Variants in GALNTL6 observed in about 807,000 individuals in gnomAD.
GALNTL6 encodes the protein polypeptide N-acetylgalactosaminyltransferase-like 6.
In GALNTL6, 46 loss-of-function variants were observed where a neutral mutation model predicts 73.7. The observed-to-expected ratio is 0.62, with a 90% CI of 0.49 to 0.80. The LOEUF (loss-of-function observed/expected upper bound fraction) is 0.80. Ranked by LOEUF, GALNTL6 falls within the 30% of genes least tolerant of loss-of-function variation. The pLI, the probability that GALNTL6 is intolerant of heterozygous loss-of-function variation, is 0.00. For missense variants in GALNTL6, 604 were observed against 755.0 expected (o/e 0.80, Z 2.34); for synonymous variants, 259 against 263.7 (o/e 0.98, Z 0.17).
At chr4:172,940,234 T>A (rs2111344148) in intron 9 of GALNTL6, among the ~76,000 whole-genome samples, 1 of 149,920 alleles carries the variant, frequency 6.7e-6, no homozygotes, top group African/African-American at 2.5e-5. Flanking sequence ...ACCTAGAAGG[T>A]AAAGTTGGCC....
intron 8 of GALNTL6, among the ~76,000 whole-genome samples, chr4:172,900,245 G>T (rs1451235826): frequency 1.3e-5 from 2 of 152,148 alleles, no homozygotes; most frequent in African/African-American, 4.8e-5. Flanking sequence ...TATAGATGAA[G>T]AAACTGAGAT....
chr4:172,097,754 T>A lies in GALNTL6; in HGVS notation c.139-131902T>A, dbSNP rs183365976. On this transcript the variant is annotated intron_variant, in intron 2 of 12. Coordinates refer to ENST00000506823, the MANE Select transcript of GALNTL6 (RefSeq NM_001034845.3). ...AAAGAAAAGCAAATCCATATTTGAT[T>A]AAGCTACTGTTAACTTGGTTTGCTC... is the stretch of plus-strand genomic sequence containing the variant. Among the ~76,000 whole-genome samples the A allele has an allele frequency of 7.5e-4, 114 of 152,312 alleles. 1 individual carries two copies. The highest frequency in any genetic ancestry group is 2.5e-3 in the African/African-American group (102 of 41,580).
In GALNTL6 at chr4:173,041,459, T is replaced by C. The variant is rs966292210; in HGVS notation, c.*1359T>C. ...TGGGAAAAAAGAATCATGTTTATTA[T>C]ATATCTCTCAAGTTTTTTTGGTATA... On this transcript the variant is annotated 3_prime_UTR_variant, in exon 13 of 13. Transcript: ENST00000506823. 3 of 152,168 alleles carry C rather than the reference T, an allele frequency of 2.0e-5. No individual in the cohort carries two copies. Among genetic ancestry groups the C allele is most frequent in the African/African-American group, 4.8e-5 (2 of 41,444 alleles). The allele number at this position is 152,168 out of a possible 1,614,324, so 9.4% of individuals were successfully genotyped here. A position where few individuals can be genotyped will look rare whatever the true frequency, so the allele number is the denominator to read the frequency against.
intron 3 of GALNTL6, among the ~76,000 whole-genome samples, chr4:172,262,631 T>C (rs990143486): frequency 2.6e-5 from 4 of 151,586 alleles, no homozygotes; most frequent in African/African-American, 7.2e-5. Flanking sequence ...TCAGTGTTAG[T>C]ATTGAGATGT....
intron 5 of GALNTL6, among the ~76,000 whole-genome samples, chr4:172,536,079 C>T (rs187881598): frequency 4.5e-4 from 69 of 152,268 alleles, no homozygotes; most frequent in Non-Finnish European, 7.8e-4. Flanking sequence ...TCTCCCGCTT[C>T]GCTCTGCACT....
intron 3 of GALNTL6, among the ~76,000 whole-genome samples, chr4:172,303,020 A>C (rs1473785165): frequency 6.6e-6 from 1 of 151,826 alleles, no homozygotes; most frequent in African/African-American, 2.4e-5. Flanking sequence ...ATTTTTTTGA[A>C]ATGGAGTCTC....
At chr4:173,026,750 T>C (rs1356557946) in intron 12 of GALNTL6, among the ~76,000 whole-genome samples, 8 of 152,230 alleles carry the variant, frequency 5.3e-5, no homozygotes, top group Admixed American at 4.6e-4. Flanking sequence ...TTTTTCTATA[T>C]ATAAGTGCCT....
chr4:172,079,795 TAA>T (rs1731822324), intron 2 of GALNTL6, among the ~76,000 whole-genome samples: 1 of 152,102 alleles, frequency 6.6e-6, no homozygotes, highest in Admixed American at 6.5e-5. Context: ...ACTTTTAGTA[TAA>T]GAGATATTTA....
intron 5 of GALNTL6, among the ~76,000 whole-genome samples, chr4:172,764,409 T>C (rs1180333938): frequency 6.6e-6 from 1 of 152,160 alleles, no homozygotes; most frequent in East Asian, 1.9e-4. Context: ...ATTTTCATGC[T>C]AGAATCTATC....
chr4:172,592,464 G>A (rs1737674733), intron 5 of GALNTL6, among the ~76,000 whole-genome samples: 1 of 152,058 alleles, frequency 6.6e-6, no homozygotes, highest in Admixed American at 6.5e-5. Context: ...ATTTGGTGGG[G>A]ATAAACAGGC....
At chr4:172,424,994 A>C (rs1731178215) in intron 5 of GALNTL6, among the ~76,000 whole-genome samples, 1 of 152,092 alleles carries the variant, frequency 6.6e-6, no homozygotes, top group Admixed American at 6.6e-5. Context: ...AAAACTCCCA[A>C]CATTATTATG....
rs1040817761 is a variant in GALNTL6 at position 172,794,225 on chromosome 4, G to T, written c.554-15136G>T. ...TGCAAATACATTTTACACTCTTTTG[G>T]GAATTCCTTCTAAAATTTGGGGGAG... On this transcript the variant is annotated intron_variant, in intron 5 of 12. Transcript: ENST00000506823. 5.3e-5 allele frequency among the ~76,000 whole-genome samples: 8 copies of T among 152,174 alleles called. No homozygotes were observed. The East Asian group carries it at 5.8e-4, about 11-fold the overall frequency.
chr4:172,051,638 T>A (rs771221171), intron 2 of GALNTL6, among the ~76,000 whole-genome samples: 1 of 152,096 alleles, frequency 6.6e-6, no homozygotes, highest in Non-Finnish European at 1.5e-5. Context: ...ATTTTTCTTC[T>A]CTTCTGTTCA....
At chr4:172,682,401 A>G (rs888323380) in intron 5 of GALNTL6, among the ~76,000 whole-genome samples, 21 of 152,176 alleles carry the variant, frequency 1.4e-4, no homozygotes, top group Non-Finnish European at 2.8e-4. Context: ...GGATTTTAAT[A>G]TATATAACAT....
At chr4:172,298,866 A>G (rs1380272821) in intron 3 of GALNTL6, among the ~76,000 whole-genome samples, 1 of 152,140 alleles carries the variant, frequency 6.6e-6, no homozygotes, top group Non-Finnish European at 1.5e-5. Context: ...TGGTATCAGG[A>G]TGATGCTGGC....
At chr4:172,164,191 A>T (rs543519634) in intron 2 of GALNTL6, among the ~76,000 whole-genome samples, 96 of 152,142 alleles carry the variant, frequency 6.3e-4, no homozygotes, top group African/African-American at 2.2e-3. Flanking sequence ...ACTCGTGTTC[A>T]TTGCTTTTGA....
chr4:172,368,823 T>A (rs1742673177), intron 5 of GALNTL6, among the ~76,000 whole-genome samples: 1 of 152,178 alleles, frequency 6.6e-6, no homozygotes. Context: ...AAAGATGGTG[T>A]ATCCAGACTT....
chr4:172,859,869 C>T (rs1447069506), intron 7 of GALNTL6, among the ~76,000 whole-genome samples: 1 of 152,100 alleles, frequency 6.6e-6, no homozygotes, highest in South Asian at 2.1e-4. Flanking sequence ...GAATCTAATA[C>T]CTGATGATCT....
At chr4:171,865,908 T>C (rs1284997761) in intron 2 of GALNTL6, among the ~76,000 whole-genome samples, 1 of 152,212 alleles carries the variant, frequency 6.6e-6, no homozygotes, top group African/African-American at 2.4e-5. Flanking sequence ...GTCAAACTTT[T>C]ACGTAACAAA....
Sources: allele counts gnomAD v4.1 joint callset (sites outside exome capture counted in the v4.1 genomes callset), GRCh38; gene constraint gnomAD v4.1.1; transcripts MANE v1.5; gene names NCBI Gene and HGNC (gene_info 2026-07-23, HGNC 2026-07-21).